Variants in STAT1 observed in about 807,000 individuals in gnomAD.
STAT1 encodes signal transducer and activator of transcription 1.
STAT1 carries 24 observed loss-of-function variants against 111.7 expected under a neutral mutation model. That is an observed-to-expected ratio of 0.21 (90% confidence interval 0.16 to 0.30). The LOEUF (loss-of-function observed/expected upper bound fraction) is 0.30. Among genes scored for constraint, STAT1 ranks in the 10% least tolerant of loss-of-function variants. The pLI, the probability that STAT1 is intolerant of heterozygous loss-of-function variation, is 1.00. For synonymous variants in STAT1, 332 were observed against 326.5 expected (o/e 1.02, Z -0.18); for missense variants, 351 against 911.9 (o/e 0.38, Z 7.92).
At position 191,007,759 on chromosome 2, in the gene STAT1, A is replaced by G; in HGVS notation, c.274-98T>C. On this transcript the variant is annotated intron_variant, in intron 4 of 24. Coordinates refer to ENST00000361099, the MANE Select transcript of STAT1 (RefSeq NM_007315.4). The surrounding 1 kb of genome is among the most constrained non-coding windows in gnomAD (Gnocchi z 4.2). The stretch of plus-strand genomic sequence containing the variant: ...TATGAATTTGTTTATATTCTCCGGG[A>G]AACCTCATCTCTCATCTATTAAATT... 1 of 869,018 alleles carries G rather than the reference A, an allele frequency of 1.2e-6. No homozygotes were observed. Among genetic ancestry groups the G allele is most frequent in the East Asian group, 2.5e-5 (1 of 40,456 alleles). The allele number at this position is 869,018 out of a possible 1,614,324, so 53.8% of individuals were successfully genotyped here.
At chr2:190,994,080 G>T (rs1484464595) in intron 10 of STAT1, among the ~76,000 whole-genome samples, 3 of 152,222 alleles carry the variant, frequency 2.0e-5, no homozygotes, top group African/African-American at 7.2e-5. Context: ...AAGATTAAAT[G>T]ATGAGATACA....
intron 5 of STAT1, 77 bp from the exon 6 acceptor site, chr2:191,001,240 TC>T: frequency 9.0e-7 from 1 of 1,111,936 alleles, no homozygotes. Flanking sequence ...CAAAGTCAAG[TC>T]CCCACTTGCC....
In STAT1 at chr2:190,987,782, C is replaced by T. The variant is rs1187923556; in HGVS notation, c.1098-714G>A. On this transcript the variant is annotated intron_variant, in intron 12 of 24. Coordinates refer to ENST00000361099, the MANE Select transcript of STAT1 (RefSeq NM_007315.4). This position sits in a 1 kb window ranked among gnomAD's most constrained non-coding sequence, Gnocchi z 4.0. ...GGCTCACTCACAGATCTATTAGTTC[C>T]CCTTCCTTTCCAATCTCAACCAGAA... 1.3e-5 allele frequency among the ~76,000 whole-genome samples: 2 copies of T among 152,140 alleles called. No individual in the cohort carries two copies. The highest frequency in any genetic ancestry group is 3.8e-4 in the East Asian group (2 of 5,200).
At position 190,984,393 on chromosome 2, in the gene STAT1, C is replaced by T. The variant is rs1692622810; in HGVS notation, c.1264G>A (p.Gly422Ser). ...QKNAGTRTNE[G>S]PLIVTEELHS... ...AGCTCTTCAGTAACGATGAGAGGAC[C>T]CTTGGAAGAGAAAAGGAAAGAAGAA... The change falls in exon 16 of 25, where the codon GGT (glycine) becomes AGT (serine). Residue 422 changes from glycine (G) to serine (S), a missense_variant and splice_region_variant. Transcript: ENST00000361099. This position sits in a 1 kb window ranked among gnomAD's most constrained non-coding sequence, Gnocchi z 5.2. 2 of 1,612,200 alleles carry T rather than the reference C, an allele frequency of 1.2e-6. No homozygotes were observed. Among genetic ancestry groups the T allele is most frequent in the Non-Finnish European group, 1.7e-6 (2 of 1,178,412 alleles).
Position 190,978,924 on chromosome 2 carries a change from C to T in STAT1, c.1805G>A (p.Arg602Gln), listed in dbSNP as rs2125007395. 1 of 1,614,130 alleles carries T rather than the reference C, an allele frequency of 6.2e-7. No individual in the cohort carries two copies. Among genetic ancestry groups the T allele is most frequent in the African/African-American group, 1.3e-5 (1 of 75,052 alleles). Residue 602 changes from arginine to glutamine, a missense_variant, in exon 21 of 25, where the codon CGG (arginine) becomes CAG (glutamine). By Grantham distance (43) the Arg-to-Gln change is conservative. Transcript: ENST00000361099. The surrounding 1 kb of genome is among the most constrained non-coding windows in gnomAD (Gnocchi z 6.1). ...CCCTTCCCGGGAGCTCTCACTGAAC[C>T]GCAGCAGGAAGGTCCCCGGCTGCTG... ...KDQQPGTFLL[R>Q]FSESSREGAI... is the part of the protein sequence containing the mutation.
rs748388742 is a variant in STAT1 at position 190,974,878 on chromosome 2, C to A, written c.2190G>T (p.Glu730Asp). ...TDNLLPMSPE[E>D]FDEVSRIVGS... ...CCACTATCCGAGACACCTCGTCAAA[C>A]TCCTCAGGAGACATGGGGAGCAGGT... Residue 730 changes from glutamate (E) to aspartate (D), a missense_variant, in exon 24 of 25, where the codon GAG becomes GAT. By Grantham distance (45) the Glu-to-Asp change is conservative. Transcript: ENST00000361099. This position sits in a 1 kb window ranked among gnomAD's most constrained non-coding sequence, Gnocchi z 4.8. 6.2e-7 allele frequency: 1 copy of A among 1,614,214 alleles called. No homozygotes were observed. Among genetic ancestry groups the A allele is most frequent in the Admixed American group, 1.7e-5 (1 of 60,034 alleles).
chr2:190,975,901 C>T lies in STAT1; in HGVS notation c.2060-14G>A, dbSNP rs1224364742. ...TTGGCTCTGGTGCTAGAAATAAACA[C>T]ATTGTGTACGCTTTCCATCAACCGA... On this transcript the variant is annotated splice_polypyrimidine_tract_variant and intron_variant, in intron 22 of 24. Transcript: ENST00000361099. The surrounding 1 kb of genome is among the most constrained non-coding windows in gnomAD (Gnocchi z 5.9). 6.2e-7 allele frequency: 1 copy of T among 1,603,688 alleles called. No homozygotes were observed.
chr2:190,976,789 C>A lies in STAT1; in HGVS notation c.2059+51G>T, dbSNP rs573951679. 4.0e-6 allele frequency: 6 copies of A among 1,500,914 alleles called. No individual in the cohort carries two copies. The highest frequency in any genetic ancestry group is 5.6e-6 in the Non-Finnish European group (6 of 1,077,264). The allele number at this position is 1,500,914 out of a possible 1,614,324, so 93.0% of individuals were successfully genotyped here. ...GGTGGAGTTTCAGAATAATCACCCC[C>A]TCATCAGGAAAGACTGTGCCACGCT... On this transcript the variant is annotated intron_variant, in intron 22 of 24. Coordinates refer to ENST00000361099, the MANE Select transcript of STAT1 (RefSeq NM_007315.4). This position sits in a 1 kb window ranked among gnomAD's most constrained non-coding sequence, Gnocchi z 6.0.
At chr2:191,011,962 G>A (rs1459331101) in intron 2 of STAT1, among the ~76,000 whole-genome samples, 1 of 151,516 alleles carries the variant, frequency 6.6e-6, no homozygotes, top group Non-Finnish European at 1.5e-5. Flanking sequence ...TGTTTCTGAG[G>A]CTGGTCTCAA....
chr2:190,994,456 A>G (rs747317414), intron 10 of STAT1, among the ~76,000 whole-genome samples: 11 of 151,908 alleles, frequency 7.2e-5, no homozygotes, highest in Non-Finnish European at 1.6e-4. Flanking sequence ...AGGATTTGAG[A>G]GCCTGAGACA....
chr2:190,980,556 A>T lies in STAT1; in HGVS notation c.1632+64T>A. ...CAGTTAAGTAACTATCACAGCAAGA[A>T]ACATGAGAACCTCAACCAAGAGCAA... On this transcript the variant is annotated intron_variant, in intron 19 of 24. Coordinates refer to ENST00000361099, the MANE Select transcript of STAT1 (RefSeq NM_007315.4). This position sits in a 1 kb window ranked among gnomAD's most constrained non-coding sequence, Gnocchi z 6.1. The T allele has an allele frequency of 6.4e-7, 1 of 1,553,234 alleles. No homozygotes were observed. Among genetic ancestry groups the T allele is most frequent in the Non-Finnish European group, 8.9e-7 (1 of 1,124,368 alleles).
At chr2:191,008,605 G>T (rs1226990453) in intron 4 of STAT1, among the ~76,000 whole-genome samples, 1 of 152,112 alleles carries the variant, frequency 6.6e-6, no homozygotes, top group Non-Finnish European at 1.5e-5. Flanking sequence ...AATGTTCCCT[G>T]GAGCTTTAAT....
rs534893598 is a variant in STAT1 at position 190,974,008 on chromosome 2, C to A, written c.2238+822G>T. 2.0e-5 allele frequency among the ~76,000 whole-genome samples: 3 copies of A among 152,186 alleles called. No homozygotes were observed. The East Asian group carries it at 5.8e-4, about 29-fold the overall frequency. On this transcript the variant is annotated intron_variant, in intron 24 of 24. Transcript: ENST00000361099. This position sits in a 1 kb window ranked among gnomAD's most constrained non-coding sequence, Gnocchi z 4.8. ...TACTTTTTGCCAGGCACCGGGTATACAGTAAGGAAGAAAGGCCAGTAATAA... is the reference window on the plus strand; with the variant it reads ...TACTTTTTGCCAGGCACCGGGTATAAAGTAAGGAAGAAAGGCCAGTAATAA...
rs548978330 is a variant in STAT1, at chr2:190,989,489, C to T, written c.1097+126G>A. 4.1e-5 allele frequency: 27 copies of T among 656,928 alleles called. No individual in the cohort carries two copies. Among genetic ancestry groups the T allele is most frequent in the South Asian group, 3.8e-4 (18 of 47,132 alleles). 40.7% of individuals were successfully genotyped at this position (656,928 alleles called of 1,614,324 possible). On this transcript the variant is annotated intron_variant, in intron 12 of 24. Transcript: ENST00000361099. The surrounding 1 kb of genome is among the most constrained non-coding windows in gnomAD (Gnocchi z 5.0). ...AGCCCTGGGGCCCTAGGGAGGCAAACTTCCACCCAGTATAGACCCTTCCAC... is the reference window on the plus strand; with the variant it reads ...AGCCCTGGGGCCCTAGGGAGGCAAATTTCCACCCAGTATAGACCCTTCCAC...
chr2:190,990,651 T>C lies in STAT1; in HGVS notation c.1037+577A>G, dbSNP rs1693245207. ...TGTGTAGACATGGAATCCTAATTTT[T>C]TAAAAAGGAAACATTATGTCATGTT... On this transcript the variant is annotated intron_variant, in intron 11 of 24. Coordinates refer to ENST00000361099, the MANE Select transcript of STAT1 (RefSeq NM_007315.4). This position sits in a 1 kb window ranked among gnomAD's most constrained non-coding sequence, Gnocchi z 5.1. 6.6e-6 allele frequency among the ~76,000 whole-genome samples: 1 copy of C among 152,186 alleles called. No homozygotes were observed. The highest frequency in any genetic ancestry group is 2.4e-5 in the African/African-American group (1 of 41,422).
Position 190,981,416 on chromosome 2 carries a change from G to A in STAT1, c.1583-747C>T, listed in dbSNP as rs1341298609. On this transcript the variant is annotated intron_variant, in intron 18 of 24. Coordinates refer to ENST00000361099, the MANE Select transcript of STAT1 (RefSeq NM_007315.4). The surrounding 1 kb of genome is among the most constrained non-coding windows in gnomAD (Gnocchi z 4.1). ...TGAGAGAAACGAGAGGAAGAAGCCC[G>A]GGGTTATTAGCTACACAAATTAAAG... 1.3e-5 allele frequency among the ~76,000 whole-genome samples: 2 copies of A among 152,352 alleles called. No individual in the cohort carries two copies. The highest frequency in any genetic ancestry group is 2.4e-5 in the African/African-American group (1 of 41,578).
rs1241699670 is a variant in STAT1 at position 190,993,787 on chromosome 2, C to T, written c.944+1274G>A. On this transcript the variant is annotated intron_variant, in intron 10 of 24. Coordinates refer to ENST00000361099, the MANE Select transcript of STAT1 (RefSeq NM_007315.4). The surrounding 1 kb of genome is among the most constrained non-coding windows in gnomAD (Gnocchi z 4.1). Reference sequence around the variant, plus strand: ...GTACATTTTTATCATGTCAAGTTTGCATTAAAAAAAAAAAAACTTGCAATA... The same window carrying T: ...GTACATTTTTATCATGTCAAGTTTGTATTAAAAAAAAAAAAACTTGCAATA... Among the ~76,000 whole-genome samples the T allele has an allele frequency of 6.7e-6, 1 of 149,716 alleles. No homozygotes were observed. The highest frequency in any genetic ancestry group is 1.5e-5 in the Non-Finnish European group (1 of 67,320).
At position 190,971,656 on chromosome 2, in the gene STAT1, T is replaced by G. The variant is rs114853203; in HGVS notation, c.2239-939A>C. 4.1e-3 allele frequency among the ~76,000 whole-genome samples: 619 copies of G among 152,186 alleles called. 4 individuals carry two copies. Among genetic ancestry groups the G allele is most frequent in the African/African-American group, 0.014 (582 of 41,508 alleles). ...AATTATTTTGGATTGAAAAGCACAG[T>G]GAAAGTGTTGCCCCTATGTTTCAGT... On this transcript the variant is annotated intron_variant, in intron 24 of 24. Coordinates refer to ENST00000361099, the MANE Select transcript of STAT1 (RefSeq NM_007315.4). This position sits in a 1 kb window ranked among gnomAD's most constrained non-coding sequence, Gnocchi z 4.1.
In STAT1 at chr2:191,009,191, G is replaced by A. The variant is rs893053949; in HGVS notation, c.129-84C>T. ...CAAAACAAATGTTGGTTTCCTTATTGAAATTATTAAAAATAATTTAAGTAT... is the reference window on the plus strand; with the variant it reads ...CAAAACAAATGTTGGTTTCCTTATTAAAATTATTAAAAATAATTTAAGTAT... On this transcript the variant is annotated intron_variant, in intron 3 of 24. Coordinates refer to ENST00000361099, the MANE Select transcript of STAT1 (RefSeq NM_007315.4). 2.7e-6 allele frequency: 4 copies of A among 1,462,300 alleles called. No homozygotes were observed. The African/African-American group carries it at 5.7e-5, about 21-fold the overall frequency. The allele number at this position is 1,462,300 out of a possible 1,614,324, so 90.6% of individuals were successfully genotyped here.
Sources: allele counts gnomAD v4.1 joint callset (sites outside exome capture counted in the v4.1 genomes callset), GRCh38; gene constraint gnomAD v4.1.1; non-coding constraint Gnocchi (gnomAD v3.1); transcripts MANE v1.5; gene names NCBI Gene and HGNC (gene_info 2026-07-23, HGNC 2026-07-21).